Variants in NLGN4X observed in about 807,000 individuals in gnomAD.
NLGN4X encodes neuroligin-4, X-linked.
Under a neutral mutation model 40.3 loss-of-function variants are expected in NLGN4X, and 3 were observed. That is an observed-to-expected ratio of 0.07 (90% CI 0.03 to 0.19). The LOEUF (loss-of-function observed/expected upper bound fraction) is 0.19. Among genes scored for constraint, NLGN4X ranks in the 10% least tolerant of loss-of-function variants. NLGN4X has a pLI of 1.00. For synonymous variants in NLGN4X, 270 were observed against 306.8 expected, an observed-to-expected ratio of 0.88 and a Z score of 1.25; for missense variants, 382 against 708.3, an observed-to-expected ratio of 0.54 and a Z score of 5.23.
chrX:6,165,632 G>C (rs1030698160), intron 1 of NLGN4X, among the ~76,000 whole-genome samples: 2 of 111,267 alleles, frequency 1.8e-5, no homozygotes, highest in Non-Finnish European at 3.8e-5. Flanking sequence ...TCTCAGTATA[G>C]AATGCTCTAT....
chrX:6,131,072 A>G (rs2039669145), intron 2 of NLGN4X, among the ~76,000 whole-genome samples: 1 of 111,576 alleles, frequency 9.0e-6, no homozygotes, highest in African/African-American at 3.3e-5. Flanking sequence ...TTTTAAATAC[A>G]CCTATGGATA....
chrX:6,131,155 T>C (rs890634361), intron 2 of NLGN4X, among the ~76,000 whole-genome samples: 13 of 111,194 alleles, frequency 1.2e-4, no homozygotes, highest in African/African-American at 4.3e-4. Context: ...CAGCCTAACT[T>C]AGAAAGCAGA....
At chrX:6,088,932 T>A (rs2038567370) in intron 2 of NLGN4X, among the ~76,000 whole-genome samples, 1 of 111,799 alleles carries the variant, frequency 8.9e-6, no homozygotes, top group South Asian at 3.7e-4. Flanking sequence ...ATAAAGCAGA[T>A]GAATGATAAA....
intron 1 of NLGN4X, chrX:6,187,097 G>A (rs993359569): frequency 2.8e-5 from 3 of 106,332 alleles, no homozygotes; most frequent in East Asian, 3.2e-4. Flanking sequence ...CACCGCGCCC[G>A]GCTAATTTTT....
chrX:6,201,162 G>T (rs1923584009), intron 1 of NLGN4X, among the ~76,000 whole-genome samples: 1 of 112,163 alleles, frequency 8.9e-6, no homozygotes, highest in Non-Finnish European at 1.9e-5. Flanking sequence ...TACCACAGAG[G>T]AATACAAACA....
At chrX:6,221,519 G>A (rs1437336652) in intron 1 of NLGN4X, among the ~76,000 whole-genome samples, 1 of 104,927 alleles carries the variant, frequency 9.5e-6, no homozygotes, top group Non-Finnish European at 1.9e-5. Flanking sequence ...ATGCATACAT[G>A]TATGTGTATA....
intron 4 of NLGN4X, 143 bp downstream of exon 4, chrX:5,908,911 G>T: frequency 1.5e-6 from 1 of 650,278 alleles, no homozygotes; most frequent in Non-Finnish European, 2.3e-6. Context: ...AAGACATGAA[G>T]ATGGATTCAT....
intron 2 of NLGN4X, among the ~76,000 whole-genome samples, chrX:6,116,319 ACT>A (rs2039289867): frequency 1.4e-5 from 1 of 73,292 alleles, no homozygotes; most frequent in Non-Finnish European, 2.6e-5. Context: ...AAAAAAAAAC[ACT>A]GTGAAAGAGC....
chrX:6,126,101 T>C (rs902814881), intron 2 of NLGN4X, among the ~76,000 whole-genome samples: 31 of 110,907 alleles, frequency 2.8e-4, no homozygotes, highest in Admixed American at 8.7e-4. Context: ...TAACCAGCTG[T>C]AGAAATGCCA....
At chrX:5,976,854 C>T (rs1156519684) in intron 3 of NLGN4X, among the ~76,000 whole-genome samples, 1 of 112,950 alleles carries the variant, frequency 8.9e-6, no homozygotes. Flanking sequence ...GTGCGTACTT[C>T]TCATGATGAT....
intron 2 of NLGN4X, among the ~76,000 whole-genome samples, chrX:6,047,965 G>A (rs1032271210): frequency 3.6e-5 from 4 of 111,532 alleles, no homozygotes; most frequent in Non-Finnish European, 7.5e-5. Flanking sequence ...AGGCTGAGCT[G>A]AGAAAGCCTG....
In NLGN4X at chrX:6,083,884, A is replaced by G. The variant is rs146013536; in HGVS notation, c.473-54452T>C. On this transcript the variant is annotated intron_variant, in intron 2 of 5. Transcript: ENST00000381095. ...TCTAATAGGGGCTAAAATTACAAAC[A>G]CTGTAACTGAAGCTAGTGGCCTGAG... is the stretch of plus-strand genomic sequence containing the variant. Among the ~76,000 whole-genome samples, 612 of 111,914 alleles carry G rather than the reference A, an allele frequency of 5.5e-3. 7 individuals are homozygous for G. The highest frequency in any genetic ancestry group is 0.019 in the African/African-American group (583 of 30,759).
intron 2 of NLGN4X, among the ~76,000 whole-genome samples, chrX:6,093,389 A>C (rs2147457684): frequency 8.9e-6 from 1 of 112,502 alleles, no homozygotes. Context: ...GGTCTTGCTT[A>C]ATTTTAGACT....
chrX:6,135,045 G>C (rs1395529545), intron 2 of NLGN4X, among the ~76,000 whole-genome samples: 1 of 112,321 alleles, frequency 8.9e-6, no homozygotes, highest in Non-Finnish European at 1.9e-5. Flanking sequence ...TAACCTTTCA[G>C]TTAGAACTCT....
chrX:6,147,355 T>C (rs1294851948), intron 2 of NLGN4X, among the ~76,000 whole-genome samples: 1 of 111,786 alleles, frequency 8.9e-6, no homozygotes, highest in Non-Finnish European at 1.9e-5. Context: ...TCTGAGCAAC[T>C]CCTTCAAAAT....
chrX:5,962,707 GT>G (rs1003760645), intron 3 of NLGN4X, among the ~76,000 whole-genome samples: 5 of 111,613 alleles, frequency 4.5e-5, no homozygotes, highest in African/African-American at 1.6e-4. Context: ...TCTTTAAGAG[GT>G]TGTTAGATCA....
chrX:5,950,613 T>C (rs1230905099), intron 3 of NLGN4X, among the ~76,000 whole-genome samples: 1 of 112,078 alleles, frequency 8.9e-6, no homozygotes, highest in Admixed American at 9.5e-5. Context: ...TTCCAGAAAC[T>C]TTCTGTACAA....
chrX:6,077,200 A>G (rs1172214179), intron 2 of NLGN4X, among the ~76,000 whole-genome samples: 2 of 111,532 alleles, frequency 1.8e-5, no homozygotes, highest in African/African-American at 6.5e-5. Context: ...ATGTGATTAA[A>G]ATATATTTTA....
At chrX:6,114,074 C>G (rs2039215434) in intron 2 of NLGN4X, among the ~76,000 whole-genome samples, 1 of 111,762 alleles carries the variant, frequency 8.9e-6, no homozygotes, top group Non-Finnish European at 1.9e-5. Context: ...CCCAGCTCAG[C>G]ATCCCAAAGT....
Sources: gnomAD v4.1 joint callset for allele counts (sites outside exome capture counted in the v4.1 genomes callset) on GRCh38, gnomAD v4.1.1 for gene constraint, MANE v1.5 for transcripts, NCBI Gene and HGNC (gene_info 2026-07-23, HGNC 2026-07-21) for gene names.